Variants in TUSC3 observed in about 807,000 individuals in gnomAD.
The protein encoded by TUSC3 is dolichyl-diphosphooligosaccharide--protein glycosyltransferase subunit TUSC3.
TUSC3 carries 45 observed loss-of-function variants against 44.8 expected under a neutral mutation model. The observed-to-expected ratio is 1.00, with a 90% CI of 0.79 to 1.29. The LOEUF (loss-of-function observed/expected upper bound fraction) is 1.29, where lower values mean the gene tolerates loss of function less well. Ranked by LOEUF, TUSC3 falls within the 50% of genes most tolerant of loss-of-function variation. The pLI, the probability that TUSC3 is intolerant of heterozygous loss-of-function variation, is 0.00. For missense variants in TUSC3, 519 were observed against 437.9 expected (o/e 1.19, Z -1.65); for synonymous variants, 212 against 152.9 (o/e 1.39, Z -2.85).
intron 7 of TUSC3, among the ~76,000 whole-genome samples, chr8:15,734,121 A>G (rs917657895): frequency 5.9e-4 from 90 of 152,278 alleles, no homozygotes; most frequent in African/African-American, 2.1e-3. Context: ...AACAATCCAT[A>G]TTTTCTTTGT....
intron 8 of TUSC3, among the ~76,000 whole-genome samples, chr8:15,744,056 C>T (rs940037389): frequency 1.3e-5 from 2 of 152,204 alleles, no homozygotes; most frequent in East Asian, 3.9e-4. Flanking sequence ...CAGTGAGATA[C>T]TCTTATTACC....
the TUSC3 span, among the ~76,000 whole-genome samples, chr8:15,793,847 C>A: frequency 4.6e-5 from 7 of 152,128 alleles, no homozygotes; most frequent in Non-Finnish European, 1.0e-4. Flanking sequence ...TTGTTAGAAT[C>A]ATGGGAAGGA....
chr8:15,464,188 A>C (rs996251838), intron 1 of TUSC3, among the ~76,000 whole-genome samples: 1 of 152,164 alleles, frequency 6.6e-6, no homozygotes, highest in Non-Finnish European at 1.5e-5. Flanking sequence ...GTTTAACTAG[A>C]GTGTGTTTCA....
the TUSC3 span, chr8:15,806,568 C>T: frequency 4.1e-6 from 6 of 1,458,864 alleles, no homozygotes; most frequent in Non-Finnish European, 5.8e-6. Flanking sequence ...TTTCCCATAA[C>T]ATCCCAGATA....
chr8:15,828,908 A>C, the TUSC3 span, among the ~76,000 whole-genome samples: 2 of 152,190 alleles, frequency 1.3e-5, no homozygotes, highest in African/African-American at 4.8e-5. Context: ...CAAATGTTGG[A>C]GTGAAAGAAA....
At chr8:15,424,646 C>A (rs1374048991) in intron 1 of TUSC3, among the ~76,000 whole-genome samples, 1 of 152,036 alleles carries the variant, frequency 6.6e-6, no homozygotes, top group Non-Finnish European at 1.5e-5. Flanking sequence ...TCTGGGAGGC[C>A]GAGGTGGATG....
chr8:15,475,581 T>C (rs948645965), intron 1 of TUSC3, among the ~76,000 whole-genome samples: 1 of 152,004 alleles, frequency 6.6e-6, no homozygotes, highest in Non-Finnish European at 1.5e-5. Context: ...TTCTATAGAG[T>C]TGAAAGAAAA....
intron 1 of TUSC3, among the ~76,000 whole-genome samples, chr8:15,602,583 A>T (rs1478334376): frequency 1.3e-5 from 2 of 151,384 alleles, no homozygotes; most frequent in Non-Finnish European, 3.0e-5. Flanking sequence ...TGTCTTTGTG[A>T]TACTGTGCAA....
At chr8:15,693,939 T>C (rs1585238294) in intron 6 of TUSC3, among the ~76,000 whole-genome samples, 1 of 152,214 alleles carries the variant, frequency 6.6e-6, no homozygotes, top group Non-Finnish European at 1.5e-5. Context: ...CTGTTGATAC[T>C]TGCGATTGTA....
intron 2 of TUSC3, among the ~76,000 whole-genome samples, chr8:15,506,005 A>G (rs1465061252): frequency 6.6e-6 from 1 of 152,210 alleles, no homozygotes; most frequent in Non-Finnish European, 1.5e-5. Flanking sequence ...CCCTGTTCAC[A>G]GCACCCTGGT....
intron 1 of TUSC3, among the ~76,000 whole-genome samples, chr8:15,544,481 G>A (rs1801798132): frequency 1.3e-5 from 2 of 151,754 alleles, no homozygotes; most frequent in South Asian, 4.2e-4. Context: ...TATGCAATAT[G>A]AAAAATTGAA....
At chr8:15,634,501 A>C (rs1200789936) in intron 2 of TUSC3, among the ~76,000 whole-genome samples, 3 of 152,218 alleles carry the variant, frequency 2.0e-5, no homozygotes, top group African/African-American at 7.2e-5. Flanking sequence ...TTTGCATGAA[A>C]GCTGGGGTCT....
the TUSC3 span, among the ~76,000 whole-genome samples, chr8:15,822,195 G>A: frequency 6.6e-6 from 1 of 152,128 alleles, no homozygotes; most frequent in Non-Finnish European, 1.5e-5. Flanking sequence ...AAAAAAACGG[G>A]TGAACTGTCA....
the TUSC3 span, among the ~76,000 whole-genome samples, chr8:15,776,005 A>T: frequency 6.6e-6 from 1 of 152,038 alleles, no homozygotes; most frequent in Non-Finnish European, 1.5e-5. Flanking sequence ...CCTAAATTTT[A>T]CTGTATAGTT....
chr8:15,418,088 A>C (rs1478867919), intron 1 of TUSC3, among the ~76,000 whole-genome samples: 1 of 152,236 alleles, frequency 6.6e-6, no homozygotes, highest in Non-Finnish European at 1.5e-5. Context: ...GAAAACTACT[A>C]TTTTATGTCA....
upstream of TUSC3, among the ~76,000 whole-genome samples, chr8:15,536,307 G>A (rs1801520771): frequency 6.6e-6 from 1 of 152,158 alleles, no homozygotes; most frequent in Non-Finnish European, 1.5e-5. Flanking sequence ...GGAAGATTTT[G>A]CATTTGCTGG....
chr8:15,722,727 C>G (rs937403526), intron 6 of TUSC3, among the ~76,000 whole-genome samples: 6 of 151,810 alleles, frequency 4.0e-5, no homozygotes, highest in South Asian at 2.1e-4. Context: ...TCCCACTGTT[C>G]CAATGGAAAA....
intron 1 of TUSC3, among the ~76,000 whole-genome samples, chr8:15,450,464 T>A (rs1672501028): frequency 6.6e-6 from 1 of 152,082 alleles, no homozygotes. Context: ...GGCAGGCAGA[T>A]CACAAGGTCA....
At chr8:15,838,893 G>C in the TUSC3 span, among the ~76,000 whole-genome samples, 1 of 152,060 alleles carries the variant, frequency 6.6e-6, no homozygotes, top group African/African-American at 2.4e-5. Flanking sequence ...AATTCTGTGA[G>C]GAAAGTCATT....
Sources: allele counts gnomAD v4.1 joint callset (sites outside exome capture counted in the v4.1 genomes callset), GRCh38; gene constraint gnomAD v4.1.1; transcripts MANE v1.5; gene names NCBI Gene and HGNC (gene_info 2026-07-23, HGNC 2026-07-21).